SKAP1: variants seen among roughly 807,000 people sequenced by gnomAD.
SKAP1 encodes the protein src kinase-associated phosphoprotein 1.
In SKAP1, 44 loss-of-function variants were observed where a neutral mutation model predicts 58.5. That is an observed-to-expected ratio of 0.75 (90% CI 0.59 to 0.97). The LOEUF (loss-of-function observed/expected upper bound fraction) is 0.97, where lower values mean the gene tolerates loss of function less well. Among genes scored for constraint, SKAP1 ranks in the 50% least tolerant of loss-of-function variants. The probability of loss-of-function intolerance (pLI) is 0.00; values close to 1 mark genes in which losing one functional copy is unlikely to be tolerated. For missense variants in SKAP1, 390 were observed against 435.2 expected (o/e 0.90, Z 0.92); for synonymous variants, 127 against 149.7 (o/e 0.85, Z 1.11).
At chr17:48,366,638 C>T (rs1337055507) in intron 2 of SKAP1, among the ~76,000 whole-genome samples, 1 of 152,118 alleles carries the variant, frequency 6.6e-6, no homozygotes, top group Non-Finnish European at 1.5e-5. Flanking sequence ...TGCACCTGTA[C>T]CTGGCCACCA....
intron 3 of SKAP1, among the ~76,000 whole-genome samples, chr17:48,356,716 A>T (rs2066880257): frequency 6.6e-6 from 1 of 152,146 alleles, no homozygotes; most frequent in African/African-American, 2.4e-5. Flanking sequence ...TATTTTAACC[A>T]GTTTTTAACA....
intron 4 of SKAP1, among the ~76,000 whole-genome samples, chr17:48,220,275 A>G (rs1463220893): frequency 6.6e-6 from 1 of 152,252 alleles, no homozygotes; most frequent in Non-Finnish European, 1.5e-5. Flanking sequence ...ATTATTTACA[A>G]TATTTCCAAA....
At chr17:48,305,296 C>CA (rs1297326962) in intron 4 of SKAP1, among the ~76,000 whole-genome samples, 2 of 152,154 alleles carry the variant, frequency 1.3e-5, no homozygotes, top group Non-Finnish European at 2.9e-5. Flanking sequence ...GTGATCCTCC[C>CA]ACCTTGGCCT....
At chr17:48,346,082 T>TGTATC in intron 3 of SKAP1, 76 bp from the exon 4 acceptor site, 1 of 821,478 alleles carries the variant, frequency 1.2e-6, no homozygotes, top group Non-Finnish European at 1.9e-6. Flanking sequence ...TATAAAAGGA[T>TGTATC]CTATGTATGA....
At chr17:48,264,907 C>T (rs1474744146) in intron 4 of SKAP1, among the ~76,000 whole-genome samples, 2 of 152,090 alleles carry the variant, frequency 1.3e-5, no homozygotes, top group East Asian at 3.8e-4. Context: ...ATCTGTTTGA[C>T]TTTCCGAAGC....
At chr17:48,212,250 T>C (rs1269385571) in intron 4 of SKAP1, among the ~76,000 whole-genome samples, 1 of 152,080 alleles carries the variant, frequency 6.6e-6, no homozygotes, top group African/African-American at 2.4e-5. Context: ...TGAGAATTTG[T>C]TCAAAGTAGT....
chr17:48,363,813 A>T lies in SKAP1; in HGVS notation c.154T>A (p.Tyr52Asn), dbSNP rs756028307. The change falls in exon 3 of 13, where the codon TAC (tyrosine) becomes AAC (asparagine). Residue 52 changes from tyrosine to asparagine, a missense_variant and splice_region_variant. Physicochemically the swap from Tyr to Asn is moderately radical, Grantham distance 143 (BLOSUM62 -2). Coordinates refer to ENST00000336915, the MANE Select transcript of SKAP1 (RefSeq NM_003726.4). The stretch of plus-strand genomic sequence containing the variant: ...CCTTGGGGCTGAAAATCCCAATAGT[A>T]CCTGAAATACAAGGGGGAAAAAAAA... Reference protein sequence around the residue: ...LRGFQQIKARYYWDFQPQGGD... With the variant: ...LRGFQQIKARNYWDFQPQGGD... 1 of 1,604,804 alleles carries T rather than the reference A, an allele frequency of 6.2e-7. No homozygotes were observed. Among genetic ancestry groups the T allele is most frequent in the Non-Finnish European group, 8.5e-7 (1 of 1,175,742 alleles).
intron 4 of SKAP1, among the ~76,000 whole-genome samples, chr17:48,268,639 G>C (rs1042547072): frequency 5.9e-5 from 9 of 151,936 alleles, no homozygotes; most frequent in Admixed American, 1.3e-4. Context: ...TTACAGGCAG[G>C]TGCCACCATA....
chr17:48,304,942 G>T (rs920809941), intron 4 of SKAP1, among the ~76,000 whole-genome samples: 2 of 152,014 alleles, frequency 1.3e-5, no homozygotes, highest in African/African-American at 2.4e-5. Flanking sequence ...TAGTAGTAAT[G>T]AACTAGAGAC....
chr17:48,355,055 T>C (rs2066857469), intron 3 of SKAP1, among the ~76,000 whole-genome samples: 1 of 152,138 alleles, frequency 6.6e-6, no homozygotes, highest in African/African-American at 2.4e-5. Context: ...CTAAGAGAAA[T>C]CATTTATAAG....
intron 4 of SKAP1, among the ~76,000 whole-genome samples, chr17:48,238,528 T>C (rs921142377): frequency 6.6e-6 from 1 of 151,820 alleles, no homozygotes; most frequent in Non-Finnish European, 1.5e-5. Flanking sequence ...ACCTCCTGAG[T>C]AGCTGGGACC....
chr17:48,249,993 C>T (rs1598469983), intron 4 of SKAP1, among the ~76,000 whole-genome samples: 1 of 151,746 alleles, frequency 6.6e-6, no homozygotes, highest in African/African-American at 2.4e-5. Flanking sequence ...TGCTTTCTGC[C>T]TGAAGCATCC....
intron 1 of SKAP1, among the ~76,000 whole-genome samples, chr17:48,400,391 G>A (rs770839460): frequency 4.6e-5 from 7 of 151,938 alleles, no homozygotes; most frequent in South Asian, 2.1e-4. Flanking sequence ...GAGCCACCAC[G>A]CCCAGCCAAT....
intron 9 of SKAP1, among the ~76,000 whole-genome samples, chr17:48,179,148 AGGTTCATCTG>A (rs924071171): frequency 1.3e-5 from 2 of 152,174 alleles, no homozygotes; most frequent in African/African-American, 4.8e-5. Context: ...TCTGGGATTG[AGGTTCATCTG>A]GGTTCATCTG....
chr17:48,145,674 G>A (rs901697715), intron 11 of SKAP1, among the ~76,000 whole-genome samples: 14 of 152,216 alleles, frequency 9.2e-5, no homozygotes, highest in African/African-American at 2.4e-4. Context: ...ACCAGCAGGC[G>A]CCTATCATAA....
intron 1 of SKAP1, among the ~76,000 whole-genome samples, chr17:48,425,805 A>G (rs1180976872): frequency 1.3e-5 from 2 of 152,268 alleles, no homozygotes; most frequent in Non-Finnish European, 2.9e-5. Context: ...CAAGAAAAAA[A>G]TAATGAAAAT....
chr17:48,271,116 C>T (rs1488108997), intron 4 of SKAP1, among the ~76,000 whole-genome samples: 2 of 152,156 alleles, frequency 1.3e-5, no homozygotes, highest in African/African-American at 2.4e-5. Flanking sequence ...ACTCCTATTA[C>T]ACACCTCTCT....
At chr17:48,154,784 C>T (rs1323346077) in intron 11 of SKAP1, among the ~76,000 whole-genome samples, 1 of 152,038 alleles carries the variant, frequency 6.6e-6, no homozygotes, top group Non-Finnish European at 1.5e-5. Flanking sequence ...CTTGGCTGGG[C>T]GTGGTGGCTC....
At chr17:48,258,863 C>T (rs1040202644) in intron 4 of SKAP1, among the ~76,000 whole-genome samples, 5 of 152,060 alleles carry the variant, frequency 3.3e-5, no homozygotes, top group Non-Finnish European at 7.4e-5. Context: ...ACTCTGAACT[C>T]CTAACTCTGC....
Sources: allele counts gnomAD v4.1 joint callset (sites outside exome capture counted in the v4.1 genomes callset), GRCh38; gene constraint gnomAD v4.1.1; transcripts MANE v1.5; gene names NCBI Gene and HGNC (gene_info 2026-07-23, HGNC 2026-07-21).